Variants in CADM2 observed in about 807,000 individuals in gnomAD.
CADM2 encodes cell adhesion molecule 2, also known as immunoglobulin superfamily member 4D.
CADM2 carries 12 observed loss-of-function variants against 49.8 expected under a neutral mutation model. That is an observed-to-expected ratio of 0.24 (90% CI 0.15 to 0.39). CADM2 has a LOEUF of 0.39. Ranked by LOEUF, CADM2 falls within the 10% of genes least tolerant of loss-of-function variation. The probability of loss-of-function intolerance (pLI) is 1.00; values close to 1 mark genes in which losing one functional copy is unlikely to be tolerated. For synonymous variants in CADM2, 214 were observed against 175.4 expected (o/e 1.22, Z -1.74); for missense variants, 378 against 492.3 (o/e 0.77, Z 2.20).
chr3:85,122,090 C>G (rs943912719), intron 1 of CADM2, among the ~76,000 whole-genome samples: 8 of 151,842 alleles, frequency 5.3e-5, no homozygotes, highest in Non-Finnish European at 1.0e-4. Flanking sequence ...TATTTGACCT[C>G]TAACTCCTTC....
At chr3:85,684,686 G>GTGGCAGA (rs1402963061) in intron 1 of CADM2, among the ~76,000 whole-genome samples, 5 of 152,146 alleles carry the variant, frequency 3.3e-5, no homozygotes, top group Non-Finnish European at 5.9e-5. Context: ...TATGATAATG[G>GTGGCAGA]TGGCAGATAA....
rs139175330 is a variant in CADM2, at chr3:85,088,369, T to G, written c.61+128701T>G. ...TTCAAAACTCTCTATAAACATCCATTGCATTTTGGTGTGATAAACTGTTAA... is the reference window on the plus strand; with the variant it reads ...TTCAAAACTCTCTATAAACATCCATGGCATTTTGGTGTGATAAACTGTTAA... On this transcript the variant is annotated intron_variant, in intron 1 of 9. Transcript: ENST00000383699. Among the ~76,000 whole-genome samples the G allele has an allele frequency of 3.9e-5, 6 of 152,258 alleles. No individual in the cohort carries two copies. In the East Asian group the frequency reaches 1.2e-3, roughly 29 times the overall value.
chr3:85,014,837 C>G (rs922089232), intron 1 of CADM2, among the ~76,000 whole-genome samples: 34 of 152,100 alleles, frequency 2.2e-4, no homozygotes, highest in Non-Finnish European at 4.9e-4. Flanking sequence ...TTCGGGCACG[C>G]AAAACAACTC....
At chr3:85,571,051 C>T (rs535727109) in intron 1 of CADM2, among the ~76,000 whole-genome samples, 2 of 152,174 alleles carry the variant, frequency 1.3e-5, no homozygotes, top group South Asian at 4.1e-4. Context: ...TAAGTGAAGC[C>T]GCTGATGGGC....
At chr3:85,491,620 ACC>A (rs2039676253) in intron 1 of CADM2, among the ~76,000 whole-genome samples, 1 of 152,080 alleles carries the variant, frequency 6.6e-6, no homozygotes, top group Non-Finnish European at 1.5e-5. Flanking sequence ...CCGGAAATGT[ACC>A]ACTGTGGTCA....
At chr3:85,881,622 G>A (rs2108385395) in intron 3 of CADM2, among the ~76,000 whole-genome samples, 1 of 152,180 alleles carries the variant, frequency 6.6e-6, no homozygotes, top group East Asian at 1.9e-4. Context: ...CTGCTATTTG[G>A]ACAGGTTGAT....
At chr3:85,723,572 A>T (rs961459650) in intron 1 of CADM2, among the ~76,000 whole-genome samples, 5 of 152,096 alleles carry the variant, frequency 3.3e-5, no homozygotes, top group African/African-American at 1.2e-4. Flanking sequence ...CTAGTCTAGT[A>T]TTAGCTGCCG....
At position 85,122,591 on chromosome 3, in the gene CADM2, G is replaced by A. The variant is rs6770907; in HGVS notation, c.61+162923G>A. 7.1e-3 allele frequency among the ~76,000 whole-genome samples: 1,075 copies of A among 151,928 alleles called. 10 individuals carry two copies. The highest frequency in any genetic ancestry group is 0.023 in the African/African-American group (972 of 41,432). ...ACCATGATTGGCTTTGGTGATTCCCGAATCTCCATGTTTAATCCATACATC... is the reference window on the plus strand; with the variant it reads ...ACCATGATTGGCTTTGGTGATTCCCAAATCTCCATGTTTAATCCATACATC... On this transcript the variant is annotated intron_variant, in intron 1 of 9. Transcript: ENST00000383699.
intron 1 of CADM2, among the ~76,000 whole-genome samples, chr3:85,083,302 G>A (rs2037242508): frequency 6.6e-6 from 1 of 152,076 alleles, no homozygotes. Flanking sequence ...TGAAAAAGGG[G>A]AGCTCTAACC....
intron 7 of CADM2, among the ~76,000 whole-genome samples, chr3:85,945,849 T>C (rs891784313): frequency 1.4e-4 from 22 of 152,074 alleles, no homozygotes; most frequent in Non-Finnish European, 2.9e-4. Flanking sequence ...ACTGGAAGCA[T>C]TCCCTTTGAA....
At chr3:85,321,140 T>A (rs1181486110) in intron 1 of CADM2, among the ~76,000 whole-genome samples, 861 of 47,298 alleles carry the variant, frequency 0.018, 54 homozygotes, top group East Asian at 0.041. Flanking sequence ...TTTTTTTTTT[T>A]TTTTTTTTTT....
At chr3:85,296,180 A>G (rs2043958865) in intron 1 of CADM2, among the ~76,000 whole-genome samples, 1 of 152,026 alleles carries the variant, frequency 6.6e-6, no homozygotes, top group Non-Finnish European at 1.5e-5. Context: ...TGCAGCAGTA[A>G]CATTTGTCCA....
intron 1 of CADM2, among the ~76,000 whole-genome samples, chr3:85,188,940 C>A (rs1011854240): frequency 2.6e-5 from 4 of 151,484 alleles, no homozygotes; most frequent in East Asian, 2.0e-4. Flanking sequence ...CTGAGGCAGG[C>A]GAATGGCGTG....
At chr3:85,430,046 G>T (rs1177266313) in intron 1 of CADM2, among the ~76,000 whole-genome samples, 2 of 152,124 alleles carry the variant, frequency 1.3e-5, no homozygotes, top group East Asian at 1.9e-4. Context: ...ACACATGATG[G>T]ATCATGAAAT....
intron 1 of CADM2, among the ~76,000 whole-genome samples, chr3:85,339,092 A>G (rs1192317041): frequency 1.3e-5 from 2 of 151,576 alleles, no homozygotes; most frequent in Non-Finnish European, 3.0e-5. Context: ...TGTGCAAAGT[A>G]TTTAACTCTA....
intron 1 of CADM2, among the ~76,000 whole-genome samples, chr3:85,346,809 T>G (rs2030706245): frequency 6.6e-6 from 1 of 152,172 alleles, no homozygotes; most frequent in South Asian, 2.1e-4. Context: ...CTAAATTTGA[T>G]TTTAGATAGT....
At chr3:85,228,128 C>A (rs1467601334) in intron 1 of CADM2, among the ~76,000 whole-genome samples, 1 of 151,994 alleles carries the variant, frequency 6.6e-6, no homozygotes. Context: ...TGAGGAATAT[C>A]TTTGTGGTGT....
intron 1 of CADM2, among the ~76,000 whole-genome samples, chr3:85,307,037 A>T (rs1009876330): frequency 2.6e-5 from 4 of 151,652 alleles, no homozygotes; most frequent in African/African-American, 9.7e-5. Context: ...AAATGGATGC[A>T]TTATTGTGTG....
At chr3:85,214,749 T>G (rs935745381) in intron 1 of CADM2, among the ~76,000 whole-genome samples, 8 of 152,080 alleles carry the variant, frequency 5.3e-5, no homozygotes, top group Non-Finnish European at 1.2e-4. Flanking sequence ...CCCCAGCCCA[T>G]GGCAAGTACT....
Sources: allele counts gnomAD v4.1 joint callset (sites outside exome capture counted in the v4.1 genomes callset), GRCh38; gene constraint gnomAD v4.1.1; transcripts MANE v1.5; gene names NCBI Gene and HGNC (gene_info 2026-07-23, HGNC 2026-07-21).